Variants in PMPCB observed in about 807,000 individuals in gnomAD.
PMPCB encodes mitochondrial-processing peptidase subunit beta.
PMPCB carries 46 observed loss-of-function variants against 61.5 expected under a neutral mutation model. The ratio of observed to expected loss-of-function variants is 0.75; its 90% CI spans 0.59 to 0.96. The LOEUF (loss-of-function observed/expected upper bound fraction) is 0.96. Ranked by LOEUF, PMPCB falls within the 40% of genes least tolerant of loss-of-function variation. The probability of loss-of-function intolerance (pLI) is 0.00; values close to 1 mark genes in which losing one functional copy is unlikely to be tolerated. For synonymous variants in PMPCB, 191 were observed against 201.6 expected (o/e 0.95, Z 0.44); for missense variants, 590 against 602.4 (o/e 0.98, Z 0.22).
At chr7:103,342,455 G>A in the PMPCB span, among the ~76,000 whole-genome samples, 1 of 151,740 alleles carries the variant, frequency 6.6e-6, no homozygotes, top group African/African-American at 2.4e-5. Flanking sequence ...ACAGGCATGC[G>A]CCACCATGCC....
rs72369502 is a variant in PMPCB at position 103,320,792 on chromosome 7, CTG to C, written c.*1432-8135_*1432-8134del. On this transcript the variant is annotated intron_variant and NMD_transcript_variant, in intron 12 of 12. Transcript: ENST00000444457. ...ATATATATATATATATATTCTGAAA[CTG>C]TGTCTATATTCATATCTTCAGTTAT... The C allele has an allele frequency of 9.8e-3, 1,587 of 161,980 alleles. 32 individuals carry two copies. The highest frequency in any genetic ancestry group is 0.041 in the African/African-American group (1,509 of 36,638). 10.0% of individuals were successfully genotyped at this position (161,980 alleles called of 1,614,324 possible).
chr7:103,315,477 A>G (rs1174913938), downstream of PMPCB, among the ~76,000 whole-genome samples: 2 of 152,134 alleles, frequency 1.3e-5, no homozygotes, highest in Non-Finnish European at 2.9e-5. Flanking sequence ...TCCCGATATA[A>G]CACTATTCTT....
downstream of PMPCB, among the ~76,000 whole-genome samples, chr7:103,332,657 G>T (rs1287991838): frequency 1.3e-5 from 2 of 151,752 alleles, no homozygotes; most frequent in African/African-American, 4.8e-5. Flanking sequence ...ATGGGGACAG[G>T]GTCTTACTAT....
intron 12 of PMPCB, among the ~76,000 whole-genome samples, chr7:103,325,747 TA>T (rs11354875): frequency 0.22 from 34,064 of 152,138 alleles, 6,139 homozygotes; most frequent in African/African-American, 0.5. Context: ...TATTGGTACA[TA>T]ACTATTTTAA....
At chr7:103,300,113 C>G in intron 3 of PMPCB, 65 bp from the exon 4 acceptor site, 1 of 1,444,564 alleles carries the variant, frequency 6.9e-7, no homozygotes, top group Non-Finnish European at 9.5e-7. Context: ...TATTCATTAT[C>G]TGAAGTAGAA....
chr7:103,297,806 A>C, intron 1 of PMPCB: 1 of 1,526,398 alleles, frequency 6.6e-7, no homozygotes, highest in Non-Finnish European at 8.8e-7. Flanking sequence ...CCAGCTACTG[A>C]GGAGTGCATG....
chr7:103,323,537 T>C, intron 12 of PMPCB: 1 of 1,371,918 alleles, frequency 7.3e-7, no homozygotes, highest in Non-Finnish European at 9.6e-7. Context: ...AATTTTTACA[T>C]CATCACAAAT....
At chr7:103,315,641 C>G (rs1818005990), downstream of PMPCB, 3 of 601,054 alleles carry the variant, frequency 5.0e-6, no homozygotes, top group South Asian at 7.6e-5. Context: ...TGTTTGCTTA[C>G]AGCTTCCAGT....
chr7:103,324,631 AATTTATT>A (rs1334015314), intron 12 of PMPCB: 3 of 1,241,594 alleles, frequency 2.4e-6, no homozygotes, highest in Non-Finnish European at 3.2e-6. Flanking sequence ...CAAACAATTT[AATTTATT>A]AAAAACAATA....
chr7:103,345,466 AC>A, the PMPCB span, among the ~76,000 whole-genome samples: 1 of 152,044 alleles, frequency 6.6e-6, no homozygotes, highest in African/African-American at 2.4e-5. Context: ...GTAAAGGCTC[AC>A]CCCCAACAGC....
chr7:103,297,484 G>A lies in PMPCB; in HGVS notation c.25G>A (p.Val9Met). ...AATGGCGGCTGCGGCGGCTCGAGTG[G>A]TGTTGTCATCCGCGGCGCGGCGGCG... MAAAAARV[V>M]LSSAARRRLW... The change falls in exon 1 of 13, where the codon GTG becomes ATG. Residue 9 changes from valine to methionine, a missense_variant. Physicochemically the swap from Val to Met is conservative, Grantham distance 21. Coordinates refer to ENST00000249269, the MANE Select transcript of PMPCB (RefSeq NM_004279.3). 3 of 1,564,916 alleles carry A rather than the reference G, an allele frequency of 1.9e-6. No homozygotes were observed. Among genetic ancestry groups the A allele is most frequent in the Non-Finnish European group, 2.6e-6 (3 of 1,155,130 alleles).
intron 4 of PMPCB, among the ~76,000 whole-genome samples, chr7:103,300,997 T>C (rs1169879900): frequency 6.6e-6 from 1 of 152,238 alleles, no homozygotes; most frequent in Non-Finnish European, 1.5e-5. Context: ...AGTGAAATTT[T>C]TAACCTTTAA....
intron 1 of PMPCB, 37 bp downstream of exon 1, chr7:103,297,595 C>G: frequency 6.2e-7 from 1 of 1,610,942 alleles, no homozygotes; most frequent in Non-Finnish European, 8.5e-7. Flanking sequence ...TCCTCGAGAT[C>G]TCGCCAGACC....
chr7:103,326,590 C>G, intron 12 of PMPCB: 1 of 1,613,882 alleles, frequency 6.2e-7, no homozygotes, highest in East Asian at 2.2e-5. Flanking sequence ...AGAAATTATC[C>G]TTTGCTTCAC....
intron 12 of PMPCB, among the ~76,000 whole-genome samples, chr7:103,328,307 T>C (rs1215136592): frequency 6.6e-6 from 1 of 152,110 alleles, no homozygotes; most frequent in Admixed American, 6.5e-5. Context: ...TGCATAGACA[T>C]TTTTGTTTTC....
At chr7:103,305,075 G>A (rs950178384) in intron 6 of PMPCB, among the ~76,000 whole-genome samples, 5 of 152,270 alleles carry the variant, frequency 3.3e-5, no homozygotes, top group South Asian at 2.1e-4. Context: ...GGAGAGAGTC[G>A]GAAGATGGTG....
At chr7:103,333,019 C>G (rs2115999270), downstream of PMPCB, among the ~76,000 whole-genome samples, 1 of 151,848 alleles carries the variant, frequency 6.6e-6, no homozygotes, top group East Asian at 1.9e-4. Context: ...TTTGGAATAT[C>G]TGCATTATAC....
At chr7:103,316,987 T>C, downstream of PMPCB, 1 of 1,613,722 alleles carries the variant, frequency 6.2e-7, no homozygotes, top group African/African-American at 1.3e-5. Context: ...TCTTTCTCTT[T>C]TCTGATTTGC....
intron 12 of PMPCB, among the ~76,000 whole-genome samples, chr7:103,323,207 G>A (rs1818516735): frequency 6.6e-6 from 1 of 152,168 alleles, no homozygotes; most frequent in Admixed American, 6.5e-5. Context: ...TAGGATTACA[G>A]GAATGAGCCA....
Sources: allele counts gnomAD v4.1 joint callset (sites outside exome capture counted in the v4.1 genomes callset), GRCh38; gene constraint gnomAD v4.1.1; transcripts MANE v1.5; gene names NCBI Gene and HGNC (gene_info 2026-07-23, HGNC 2026-07-21).